Variants in OAF observed in about 807,000 individuals in gnomAD.
OAF encodes out at first protein homolog.
A neutral mutation model predicts 22.5 loss-of-function variants in OAF; 13 were observed. That is an observed-to-expected ratio of 0.58 (90% confidence interval 0.38 to 0.92). OAF has a LOEUF of 0.92. Among genes scored for constraint, OAF ranks in the 40% least tolerant of loss-of-function variants. The pLI, the probability that OAF is intolerant of heterozygous loss-of-function variation, is 0.00. For missense variants in OAF, 347 were observed against 381.8 expected, an observed-to-expected ratio of 0.91 and a Z score of 0.76; for synonymous variants, 175 against 170.5, an observed-to-expected ratio of 1.03 and a Z score of -0.21.
chr11:120,225,812 G>A lies in OAF; in HGVS notation c.366+17G>A, dbSNP rs762001098. On this transcript the variant is annotated intron_variant, in intron 2 of 3. Transcript: ENST00000328965. ...CTCCGGCAGGTAAGTGCCCCACCAG[G>A]CCTGCCTGGCCCAGGTCCTGACCCG... is the stretch of plus-strand genomic sequence containing the variant. 5.0e-6 allele frequency: 8 copies of A among 1,591,278 alleles called. No individual in the cohort carries two copies. The highest frequency in any genetic ancestry group is 3.5e-5 in the Admixed American group (2 of 57,248).
chr11:120,216,486 G>C (rs535724670), intron 1 of OAF, among the ~76,000 whole-genome samples: 91 of 152,322 alleles, frequency 6.0e-4, no homozygotes, highest in Admixed American at 1.8e-3. Context: ...TTCCTCACAG[G>C]TATTTACAAG....
intron 1 of OAF, among the ~76,000 whole-genome samples, chr11:120,219,824 A>G (rs1191706421): frequency 6.6e-6 from 1 of 152,202 alleles, no homozygotes; most frequent in African/African-American, 2.4e-5. Context: ...GAACTAGATG[A>G]TCCCCTAAAC....
chr11:120,228,751 G>C, intron 3 of OAF, 117 bp from the exon 4 acceptor site: 1 of 773,692 alleles, frequency 1.3e-6, no homozygotes, highest in Non-Finnish European at 2.0e-6. Flanking sequence ...GGAGGTGTCT[G>C]TAAATGCCTG....
At chr11:120,218,661 G>A (rs922884548) in intron 1 of OAF, among the ~76,000 whole-genome samples, 4 of 152,222 alleles carry the variant, frequency 2.6e-5, no homozygotes, top group Non-Finnish European at 5.9e-5. Context: ...TTGGAAGAAT[G>A]GGAGGGGGCC....
chr11:120,228,821 T>TACCAACCCAACC, intron 3 of OAF, 47 bp from the exon 4 acceptor site: 9 of 520,276 alleles, frequency 1.7e-5, no homozygotes, highest in Non-Finnish European at 2.9e-5. Flanking sequence ...GGGAGCTCCT[T>TACCAACCCAACC]CCCTCCCTCC....
intron 1 of OAF, among the ~76,000 whole-genome samples, chr11:120,218,822 C>G (rs539594186): frequency 1.3e-4 from 20 of 152,184 alleles, no homozygotes; most frequent in Middle Eastern, 3.4e-3. Flanking sequence ...GGGCCTCCCC[C>G]CAAACCCCAG....
Position 120,229,054 on chromosome 11 carries a change from T to C in OAF, c.734T>C (p.Ile245Thr). 1 of 1,613,536 alleles carries C rather than the reference T, an allele frequency of 6.2e-7. No individual in the cohort carries two copies. Among genetic ancestry groups the C allele is most frequent in the Non-Finnish European group, 8.5e-7 (1 of 1,179,880 alleles). Residue 245 changes from isoleucine to threonine, a missense_variant, in exon 4 of 4, where the codon ATC (isoleucine) becomes ACC (threonine). By Grantham distance (89) the Ile-to-Thr change is moderately conservative. Transcript: ENST00000328965. ...CGGCCCACGCCCTACAAGTGTGGCA[T>C]CCGCAGCTGCCAGAAGAGCTACAGC... Reference protein sequence around the residue: ...RDRPTPYKCGIRSCQKSYSFD... With the variant: ...RDRPTPYKCGTRSCQKSYSFD...
At chr11:120,223,705 G>C (rs1422732072) in intron 1 of OAF, among the ~76,000 whole-genome samples, 1 of 152,200 alleles carries the variant, frequency 6.6e-6, no homozygotes, top group Non-Finnish European at 1.5e-5. Context: ...CAAGCAAAGA[G>C]ACCCCTGAGC....
Position 120,229,016 on chromosome 11 carries a change from C to T in OAF, c.696C>T (p.Cys232=). ...GGTACCCCTGCATGCTCAAGTACTG[C>T]CACAGCCGCGACCGGCCCACGCCCT... ...LAWYPCMLKY[C]HSRDRPTPYK... The change falls in exon 4 of 4, where the codon TGC becomes TGT. Residue 232 remains cysteine (C), a synonymous_variant. Coordinates refer to ENST00000328965, the MANE Select transcript of OAF (RefSeq NM_178507.4). 1 of 1,613,614 alleles carries T rather than the reference C, an allele frequency of 6.2e-7. No homozygotes were observed. Among genetic ancestry groups the T allele is most frequent in the Non-Finnish European group, 8.5e-7 (1 of 1,180,008 alleles).
Position 120,229,134 on chromosome 11 carries a change from C to T in OAF, c.814C>T (p.Pro272Ser). ...QLCLWDEDPY[P>S]G is the part of the protein sequence containing the mutation. Reference sequence around the variant, plus strand: ...GTGTCTCTGGGATGAGGATCCCTACCCAGGCTAGGGTGGGAGCAACCTGGC... The same window carrying T: ...GTGTCTCTGGGATGAGGATCCCTACTCAGGCTAGGGTGGGAGCAACCTGGC... Residue 272 changes from proline to serine, a missense_variant, in exon 4 of 4, where the codon CCA becomes TCA. Pro to Ser is a moderately conservative substitution (Grantham distance 74, BLOSUM62 -1). Coordinates refer to ENST00000328965, the MANE Select transcript of OAF (RefSeq NM_178507.4). The T allele has an allele frequency of 6.2e-7, 1 of 1,611,498 alleles. No homozygotes were observed. The highest frequency in any genetic ancestry group is 8.5e-7 in the Non-Finnish European group (1 of 1,178,626).
chr11:120,227,958 CT>C (rs750940838), intron 3 of OAF, among the ~76,000 whole-genome samples: 4 of 152,172 alleles, frequency 2.6e-5, no homozygotes, highest in Non-Finnish European at 5.9e-5. Flanking sequence ...AGGCCGGTAC[CT>C]TCCGTCTCCT....
intron 3 of OAF, among the ~76,000 whole-genome samples, chr11:120,227,963 G>A (rs554984037): frequency 3.3e-5 from 5 of 152,104 alleles, no homozygotes; most frequent in Admixed American, 6.5e-5. Context: ...GGTACCTTCC[G>A]TCTCCTCCAG....
intron 1 of OAF, among the ~76,000 whole-genome samples, chr11:120,216,078 G>A (rs748178258): frequency 5.8e-4 from 88 of 152,274 alleles, no homozygotes; most frequent in Non-Finnish European, 6.8e-4. Context: ...AAGGGACAAG[G>A]ACCCATGGAG....
intron 1 of OAF, among the ~76,000 whole-genome samples, chr11:120,224,903 GA>G (rs1938330407): frequency 6.6e-6 from 1 of 152,188 alleles, no homozygotes; most frequent in Admixed American, 6.5e-5. Flanking sequence ...GCCGGATAGG[GA>G]AGGGGGCCCC....
At chr11:120,228,825 T>TACCAAACCC in intron 3 of OAF, 43 bp from the exon 4 acceptor site, 2 of 434,174 alleles carry the variant, frequency 4.6e-6, no homozygotes, top group Non-Finnish European at 9.3e-6. Flanking sequence ...GCTCCTTCCC[T>TACCAAACCC]CCCTCCCTCC....
intron 1 of OAF, among the ~76,000 whole-genome samples, chr11:120,221,769 A>C (rs958891054): frequency 1.1e-4 from 16 of 151,844 alleles, no homozygotes; most frequent in African/African-American, 3.6e-4. Flanking sequence ...TACTTGCCAC[A>C]CCCTCTGCGT....
At chr11:120,221,624 G>A (rs918378654) in intron 1 of OAF, among the ~76,000 whole-genome samples, 2 of 152,212 alleles carry the variant, frequency 1.3e-5, no homozygotes. Context: ...GGCCAGCAGA[G>A]GCAAAGCCAG....
At chr11:120,212,272 G>A (rs897223438) in intron 1 of OAF, among the ~76,000 whole-genome samples, 1 of 151,716 alleles carries the variant, frequency 6.6e-6, no homozygotes, top group African/African-American at 2.4e-5. Flanking sequence ...GTGGGTGTGG[G>A]TGTGTGGGTG....
At chr11:120,223,982 A>C (rs572314600) in intron 1 of OAF, among the ~76,000 whole-genome samples, 1 of 152,178 alleles carries the variant, frequency 6.6e-6, no homozygotes, top group Middle Eastern at 3.2e-3. Context: ...AGCCGACCTG[A>C]GTGAGGGGAA....
Sources: allele counts gnomAD v4.1 joint callset (sites outside exome capture counted in the v4.1 genomes callset), GRCh38; gene constraint gnomAD v4.1.1; transcripts MANE v1.5; gene names NCBI Gene and HGNC (gene_info 2026-07-23, HGNC 2026-07-21).